The following SUPT6H variants were observed in gnomAD, a reference collection of about 807,000 sequenced individuals.
SUPT6H encodes the protein SPT6 homolog, histone chaperone and transcription elongation factor, also known as transcription elongation factor SPT6.
In SUPT6H, 11 loss-of-function variants were observed where a neutral mutation model predicts 222.3. The observed-to-expected ratio is 0.05, with a 90% CI of 0.03 to 0.08. SUPT6H has a LOEUF of 0.08. Among genes scored for constraint, SUPT6H ranks in the 10% least tolerant of loss-of-function variants. The pLI is 1.00. For missense variants in SUPT6H, 1,422 were observed against 2,216.0 expected (o/e 0.64, Z 7.19); for synonymous variants, 762 against 801.2 (o/e 0.95, Z 0.83).
chr17:28,664,054 T>G (rs186753756), intron 1 of SUPT6H, among the ~76,000 whole-genome samples: 32 of 152,076 alleles, frequency 2.1e-4, no homozygotes, highest in Admixed American at 1.8e-3. Context: ...ATGGATACTT[T>G]GTTCTCATAT....
In SUPT6H at chr17:28,697,890, C is replaced by A; in HGVS notation, c.4324-16C>A. The stretch of plus-strand genomic sequence containing the variant: ...CATGCTGCTATCCCAACCTCTCCCC[C>A]TCATTCTACCCCCAGAAATTAGAGG... On this transcript the variant is annotated splice_polypyrimidine_tract_variant and intron_variant, in intron 31 of 36. Transcript: ENST00000314616. 6.2e-7 allele frequency: 1 copy of A among 1,613,342 alleles called. No homozygotes were observed. The highest frequency in any genetic ancestry group is 8.5e-7 in the Non-Finnish European group (1 of 1,179,608).
rs757902815 is a variant in SUPT6H at position 28,682,685 on chromosome 17, G to A, written c.1598-42G>A. On this transcript the variant is annotated intron_variant, in intron 13 of 36. Coordinates refer to ENST00000314616, the MANE Select transcript of SUPT6H (RefSeq NM_003170.5). ...ATTCTGAAAGCCAAGAGGTTTATCA[G>A]CCTATCTGCTGCCTTACCCTTCACT... The A allele has an allele frequency of 3.1e-6, 5 of 1,601,930 alleles. No homozygotes were observed. The East Asian group carries it at 6.7e-5, about 22-fold the overall frequency.
At chr17:28,685,874 A>G (rs2031354862) in intron 19 of SUPT6H, among the ~76,000 whole-genome samples, 4 of 152,188 alleles carry the variant, frequency 2.6e-5, no homozygotes, top group Admixed American at 2.6e-4. Context: ...ATAGCCACAA[A>G]AGGAGGACAT....
At position 28,681,382 on chromosome 17, in the gene SUPT6H, C is replaced by G; in HGVS notation, c.1476C>G (p.Val492=). The G allele has an allele frequency of 6.2e-7, 1 of 1,607,946 alleles. No homozygotes were observed. The highest frequency in any genetic ancestry group is 8.5e-7 in the Non-Finnish European group (1 of 1,177,586). ...CTAGCCGCAAGAAGCTGAAGCGTGT[C>G]AGGGAAGAGGGAGATGAAGAAGGTT... ...AKASRKKLKR[V]REEGDEEGEG... Residue 492 remains valine, a synonymous_variant, in exon 12 of 37, where the codon GTC becomes GTG. Transcript: ENST00000314616.
chr17:28,689,664 G>A, intron 25 of SUPT6H, 103 bp downstream of exon 25: 1 of 1,108,344 alleles, frequency 9.0e-7, no homozygotes, highest in Non-Finnish European at 1.3e-6. Flanking sequence ...GATACTGTTA[G>A]TATGGCAGAC....
chr17:28,678,049 T>G lies in SUPT6H; in HGVS notation c.1000-27T>G. On this transcript the variant is annotated intron_variant, in intron 8 of 36. Coordinates refer to ENST00000314616, the MANE Select transcript of SUPT6H (RefSeq NM_003170.5). ...AAGACAAACCAAGTAAACATTGTCTTGCTATTTCTTTATTTTCCTACTGTA... is the reference window on the plus strand; with the variant it reads ...AAGACAAACCAAGTAAACATTGTCTGGCTATTTCTTTATTTTCCTACTGTA... The G allele has an allele frequency of 5.0e-6, 8 of 1,594,164 alleles. No individual in the cohort carries two copies. The South Asian group carries it at 6.7e-5, about 13-fold the overall frequency.
chr17:28,689,946 A>C, intron 25 of SUPT6H, 136 bp from the exon 26 acceptor site: 1 of 1,177,852 alleles, frequency 8.5e-7, no homozygotes, highest in Non-Finnish European at 1.2e-6. Flanking sequence ...CCTTTAGTAA[A>C]TGTTGATGGA....
rs1334867346 is a variant in SUPT6H at position 28,697,739 on chromosome 17, C to T, written c.4323+6C>T. Reference sequence around the variant, plus strand: ...GCAGCGGTGGGGACCGCAAGGTAAGCCCAGGGCCCTCTGAGGAATGACACT... The same window carrying T: ...GCAGCGGTGGGGACCGCAAGGTAAGTCCAGGGCCCTCTGAGGAATGACACT... On this transcript the variant is annotated splice_donor_region_variant and intron_variant, in intron 31 of 36. Coordinates refer to ENST00000314616, the MANE Select transcript of SUPT6H (RefSeq NM_003170.5). 2 of 1,613,724 alleles carry T rather than the reference C, an allele frequency of 1.2e-6. No individual in the cohort carries two copies. The highest frequency in any genetic ancestry group is 2.2e-5 in the South Asian group (2 of 91,052).
intron 36 of SUPT6H, 152 bp from the exon 37 acceptor site, chr17:28,701,287 C>T (rs2032121637): frequency 1.5e-6 from 2 of 1,359,620 alleles, no homozygotes. Flanking sequence ...CGGAAGAGGG[C>T]AGTATGGCAG....
intron 28 of SUPT6H, 26 bp downstream of exon 28, chr17:28,693,862 G>A (rs759967978): frequency 8.1e-6 from 13 of 1,613,808 alleles, no homozygotes; most frequent in East Asian, 4.5e-5. Flanking sequence ...TCCTAAGGTC[G>A]TAGTGCAATT....
chr17:28,674,512 C>A lies in SUPT6H; in HGVS notation c.269-25C>A, dbSNP rs574687164. ...CAGTGGAAAAGGGCAACCCCATCAC[C>A]ATGGGCAACACTTTGTTTCTTCAGC... On this transcript the variant is annotated intron_variant, in intron 3 of 36. Coordinates refer to ENST00000314616, the MANE Select transcript of SUPT6H (RefSeq NM_003170.5). 1.1e-4 allele frequency: 183 copies of A among 1,614,116 alleles called. 2 individuals are homozygous for A. In the South Asian group the frequency reaches 1.8e-3, roughly 16 times the overall value.
chr17:28,693,540 A>C (rs965340309), intron 27 of SUPT6H, among the ~76,000 whole-genome samples, 156 bp from the exon 28 acceptor site: 7 of 152,250 alleles, frequency 4.6e-5, no homozygotes, highest in South Asian at 2.1e-4. Context: ...TAGATGGTCA[A>C]ATTCTGTCTT....
intron 4 of SUPT6H, 167 bp downstream of exon 4, chr17:28,674,780 G>A (rs772853102): frequency 3.4e-6 from 3 of 888,456 alleles, no homozygotes; most frequent in Non-Finnish European, 5.2e-6. Context: ...AGATCTGGGT[G>A]CCTGTTAGAG....
chr17:28,683,021 C>T lies in SUPT6H; in HGVS notation c.1807C>T (p.Arg603Trp), dbSNP rs1410366523. 16 of 1,613,852 alleles carry T rather than the reference C, an allele frequency of 9.9e-6. No homozygotes were observed. The highest frequency in any genetic ancestry group is 3.3e-5 in the Admixed American group (2 of 59,958). ...ALQIAREPLV[R>W]QVLRQTFQER... ...GCAGATTGCCCGTGAGCCCCTTGTCCGGCAGGTGCTGAGGCAAACCTTCCA... is the reference window on the plus strand; with the variant it reads ...GCAGATTGCCCGTGAGCCCCTTGTCTGGCAGGTGCTGAGGCAAACCTTCCA... Residue 603 changes from arginine (R) to tryptophan (W), a missense_variant, in exon 15 of 37, where the codon CGG (arginine) becomes TGG (tryptophan). By Grantham distance (101) the Arg-to-Trp change is moderately radical. Coordinates refer to ENST00000314616, the MANE Select transcript of SUPT6H (RefSeq NM_003170.5).
At chr17:28,667,173 G>C (rs552479921) in intron 1 of SUPT6H, among the ~76,000 whole-genome samples, 1 of 148,336 alleles carries the variant, frequency 6.7e-6, no homozygotes, top group East Asian at 2.0e-4. Flanking sequence ...AGACTATCCT[G>C]GCTAACACGG....
rs549834866 is a variant in SUPT6H, at chr17:28,676,327, G to A, written c.794G>A (p.Arg265His). The A allele has an allele frequency of 5.9e-5, 96 of 1,613,790 alleles. No individual in the cohort carries two copies. In the South Asian group the frequency reaches 7.0e-4, roughly 12 times the overall value. The change falls in exon 7 of 37, where the codon CGT becomes CAT. Residue 265 changes from arginine (R) to histidine (H), a missense_variant. This residue lies in a region of SUPT6H where 389 missense variants were observed against 544.6 expected (regional missense o/e 0.71). Coordinates refer to ENST00000314616, the MANE Select transcript of SUPT6H (RefSeq NM_003170.5). Reference protein sequence around the residue: ...PKKTTKKRVSRRSIFEMYEPS... With the variant: ...PKKTTKKRVSHRSIFEMYEPS... ...AAGACCACCAAGAAGCGTGTGAGCCGTAGGAGCATCTTTGAAATGTATGAG... is the reference window on the plus strand; with the variant it reads ...AAGACCACCAAGAAGCGTGTGAGCCATAGGAGCATCTTTGAAATGTATGAG...
At chr17:28,693,445 G>C (rs1764722053) in intron 27 of SUPT6H, among the ~76,000 whole-genome samples, 1 of 152,148 alleles carries the variant, frequency 6.6e-6, no homozygotes, top group South Asian at 2.1e-4. Flanking sequence ...CTGGGCAACA[G>C]AGCAAGACTC....
intron 1 of SUPT6H, among the ~76,000 whole-genome samples, chr17:28,668,916 A>C (rs1043074119): frequency 7.9e-5 from 12 of 152,196 alleles, no homozygotes; most frequent in Non-Finnish European, 1.6e-4. Context: ...CCTTAAGGAT[A>C]GAGATCTTGG....
At chr17:28,695,950 C>T (rs2031885664) in intron 29 of SUPT6H, among the ~76,000 whole-genome samples, 1 of 151,814 alleles carries the variant, frequency 6.6e-6, no homozygotes, top group African/African-American at 2.4e-5. Flanking sequence ...AGCACTTGAG[C>T]CCAGGAGTTC....
Sources: allele counts gnomAD v4.1 joint callset (sites outside exome capture counted in the v4.1 genomes callset), GRCh38; gene constraint gnomAD v4.1.1; regional missense constraint gnomAD v4.1.1; transcripts MANE v1.5; gene names NCBI Gene and HGNC (gene_info 2026-07-23, HGNC 2026-07-21).